BAIAP3: variants seen among roughly 807,000 people sequenced by gnomAD.
The protein encoded by BAIAP3 is BAI1 associated protein 3, also known as BAI1-associated protein 3.
BAIAP3 carries 180 observed loss-of-function variants against 149.7 expected under a neutral mutation model. The observed-to-expected ratio is 1.20, with a 90% confidence interval of 1.07 to 1.36. BAIAP3 has a LOEUF of 1.36. BAIAP3 is among the 40% of genes most tolerant of loss of function. The pLI is 0.00. For synonymous variants in BAIAP3, 845 were observed against 670.7 expected (o/e 1.26, Z -4.02); for missense variants, 1,767 against 1,563.4 (o/e 1.13, Z -2.20).
At chr16:1,340,090 A>G (rs1005982033) in intron 5 of BAIAP3, among the ~76,000 whole-genome samples, 1 of 149,696 alleles carries the variant, frequency 6.7e-6, no homozygotes, top group Non-Finnish European at 1.5e-5. Context: ...GCAGGTGCAC[A>G]CAGACACAGG....
chr16:1,334,011 T>G (rs1313844376), intron 1 of BAIAP3, among the ~76,000 whole-genome samples: 3 of 149,040 alleles, frequency 2.0e-5, no homozygotes, highest in African/African-American at 7.5e-5. Context: ...GGCGGTGGGG[T>G]CCGCACTGCG....
In BAIAP3 at chr16:1,341,504, C is replaced by T. The variant is rs372468346; in HGVS notation, c.731+15C>T. ...CACTTCCTCTTGTGAGGCCCTCGCC[C>T]GTCTGGGTGCGGGAGGGGGGCTCTG... On this transcript the variant is annotated intron_variant, in intron 8 of 33. Transcript: ENST00000426824. The T allele has an allele frequency of 4.6e-5, 73 of 1,597,400 alleles. 1 individual carries two copies. Among genetic ancestry groups the T allele is most frequent in the African/African-American group, 3.1e-4 (23 of 74,810 alleles).
chr16:1,344,293 C>G lies in BAIAP3; in HGVS notation c.1578C>G (p.Asn526Lys). ...TCTGCCCCTTCGAGTCGGAGCTGAA[C>G]ATGGACATTGCTGCGGCCCTGAAGG... The part of the protein sequence containing the change: ...FEICPFESEL[N>K]MDIAAALKRG... The change falls in exon 17 of 34, where the codon AAC becomes AAG. Residue 526 changes from asparagine (N) to lysine (K), a missense_variant. Coordinates refer to ENST00000426824, the MANE Select transcript of BAIAP3 (RefSeq NM_001199097.2). The G allele has an allele frequency of 1.2e-6, 2 of 1,613,930 alleles. No homozygotes were observed. Among genetic ancestry groups the G allele is most frequent in the Non-Finnish European group, 1.7e-6 (2 of 1,180,020 alleles).
Position 1,346,439 on chromosome 16 carries a change from C to T in BAIAP3, c.2494-3C>T, listed in dbSNP as rs1567171622. 3 of 1,612,268 alleles carry T rather than the reference C, an allele frequency of 1.9e-6. No individual in the cohort carries two copies. The highest frequency in any genetic ancestry group is 1.7e-5 in the Admixed American group (1 of 59,908). On this transcript the variant is annotated splice_polypyrimidine_tract_variant and splice_region_variant and intron_variant, in intron 25 of 33. Transcript: ENST00000426824. ...CCGTGCTGAGCACTGCTCCTGCCCTCAGATGGTGGGCGACATCCGCAAGTA... is the reference window on the plus strand; with the variant it reads ...CCGTGCTGAGCACTGCTCCTGCCCTTAGATGGTGGGCGACATCCGCAAGTA...
At chr16:1,345,129 C>G in intron 21 of BAIAP3, 30 bp downstream of exon 21, 1 of 1,612,286 alleles carries the variant, frequency 6.2e-7, no homozygotes, top group Non-Finnish European at 8.5e-7. Flanking sequence ...CTCTTGCAGA[C>G]AGACTTTGGG....
At position 1,348,097 on chromosome 16, in the gene BAIAP3, T is replaced by C. The variant is rs1218489582; in HGVS notation, c.3151T>C (p.Ser1051Pro). 1 of 1,602,292 alleles carries C rather than the reference T, an allele frequency of 6.2e-7. No homozygotes were observed. Among genetic ancestry groups the C allele is most frequent in the African/African-American group, 1.3e-5 (1 of 74,908 alleles). ...HPVYDELFYFSVPAEACRRRA... is the reference protein window; with the variant it reads ...HPVYDELFYFPVPAEACRRRA... ...CTCCCGACTGGCCTCTGTCCGCAGTTCCGTGCCTGCCGAGGCGTGCCGCCG... is the reference window on the plus strand; with the variant it reads ...CTCCCGACTGGCCTCTGTCCGCAGTCCCGTGCCTGCCGAGGCGTGCCGCCG... The change falls in exon 33 of 34, where the codon TCC (serine) becomes CCC (proline). Residue 1051 changes from serine (S) to proline (P), a missense_variant and splice_region_variant. By Grantham distance (74) the Ser-to-Pro change is moderately conservative. Transcript: ENST00000426824.
chr16:1,346,167 C>T lies in BAIAP3; in HGVS notation c.2302-3C>T, dbSNP rs781339897. 3 of 1,610,702 alleles carry T rather than the reference C, an allele frequency of 1.9e-6. No individual in the cohort carries two copies. The highest frequency in any genetic ancestry group is 2.5e-6 in the Non-Finnish European group (3 of 1,179,594). The stretch of plus-strand genomic sequence containing the variant: ...CATCGTTGCCTGGCCACACCTCCTC[C>T]AGCTCTGCGTGGTCCTCAACAATGT... On this transcript the variant is annotated splice_region_variant and splice_polypyrimidine_tract_variant and intron_variant, in intron 24 of 33. Coordinates refer to ENST00000426824, the MANE Select transcript of BAIAP3 (RefSeq NM_001199097.2).
intron 5 of BAIAP3, among the ~76,000 whole-genome samples, chr16:1,340,406 G>A (rs13337455): frequency 0.12 from 6,452 of 52,590 alleles, 1,940 homozygotes; most frequent in Admixed American, 0.27. Flanking sequence ...GCACACAGAT[G>A]CACGCACATA....
Position 1,344,161 on chromosome 16 carries a change from G to A in BAIAP3, c.1511+15G>A, listed in dbSNP as rs181046100. The A allele has an allele frequency of 4.5e-5, 72 of 1,611,928 alleles. No homozygotes were observed. The highest frequency in any genetic ancestry group is 5.6e-5 in the Non-Finnish European group (66 of 1,179,614). ...CTGCTGCTGAAGTGGGTGCAGCGCC[G>A]CGTGTCAGCGTGGGTGGGGGCGGCT... On this transcript the variant is annotated intron_variant, in intron 16 of 33. Transcript: ENST00000426824.
intron 14 of BAIAP3, 132 bp downstream of exon 14, chr16:1,343,148 G>A (rs2034045675): frequency 5.4e-6 from 6 of 1,121,284 alleles, no homozygotes; most frequent in Non-Finnish European, 7.6e-6. Context: ...CTGAGTAGGT[G>A]GGGCTGCGCT....
chr16:1,341,208 C>T lies in BAIAP3; in HGVS notation c.535+13C>T. On this transcript the variant is annotated intron_variant, in intron 7 of 33. Transcript: ENST00000426824. The stretch of plus-strand genomic sequence containing the variant: ...AAGGACCCCAACGGTGAGTGGGGAC[C>T]CAGCAGACCTCGGCTGCGCCGAGGC... 6.2e-7 allele frequency: 1 copy of T among 1,611,300 alleles called. No individual in the cohort carries two copies. Among genetic ancestry groups the T allele is most frequent in the Non-Finnish European group, 8.5e-7 (1 of 1,179,268 alleles).
chr16:1,343,563 G>A lies in BAIAP3; in HGVS notation c.1386+50G>A, dbSNP rs550245366. 968 of 1,594,700 alleles carry A rather than the reference G, an allele frequency of 6.1e-4. 9 individuals carry two copies. The South Asian group carries it at 0.01, about 17-fold the overall frequency. On this transcript the variant is annotated intron_variant, in intron 15 of 33. Coordinates refer to ENST00000426824, the MANE Select transcript of BAIAP3 (RefSeq NM_001199097.2). Reference sequence around the variant, plus strand: ...CCAGCCATGGCGAAGGGAGTGCTGGGGACTGGGGTCGCTCAGTGCCGGTCG... The same window carrying A: ...CCAGCCATGGCGAAGGGAGTGCTGGAGACTGGGGTCGCTCAGTGCCGGTCG...
intron 1 of BAIAP3, chr16:1,334,777 C>G (rs1452689298): frequency 6.5e-7 from 1 of 1,544,688 alleles, no homozygotes; most frequent in Non-Finnish European, 8.8e-7. Context: ...GGAGAGATTC[C>G]TGCGGGAAAC....
Position 1,346,518 on chromosome 16 carries a change from C to T in BAIAP3, c.2562+8C>T. 6.2e-7 allele frequency: 1 copy of T among 1,607,340 alleles called. No individual in the cohort carries two copies. The highest frequency in any genetic ancestry group is 8.5e-7 in the Non-Finnish European group (1 of 1,177,364). On this transcript the variant is annotated splice_region_variant and intron_variant, in intron 26 of 33. Transcript: ENST00000426824. ...TCCATCCAGAACGATGAGGTGAGTGCCGGGGCGAGGGGCCGTGGAGGACTG... is the reference window on the plus strand; with the variant it reads ...TCCATCCAGAACGATGAGGTGAGTGTCGGGGCGAGGGGCCGTGGAGGACTG...
At position 1,344,607 on chromosome 16, in the gene BAIAP3, C is replaced by A; in HGVS notation, c.1666C>A (p.Pro556Thr). 2 of 1,613,062 alleles carry A rather than the reference C, an allele frequency of 1.2e-6. No individual in the cohort carries two copies. The highest frequency in any genetic ancestry group is 1.7e-6 in the Non-Finnish European group (2 of 1,180,022). The stretch of plus-strand genomic sequence containing the variant: ...GAGCTAGGCTTCCTTGCAGCCAGGA[C>A]CACAGCGCCTGCCTGGGCTGGTTGT... ...NDKSPREQPGPQRLPGLVVLA... is the reference protein window; with the variant it reads ...NDKSPREQPGTQRLPGLVVLA... The change falls in exon 19 of 34, where the codon CCA becomes ACA. Residue 556 changes from proline (P) to threonine (T), a missense_variant. By Grantham distance (38) the Pro-to-Thr change is conservative. Coordinates refer to ENST00000426824, the MANE Select transcript of BAIAP3 (RefSeq NM_001199097.2).
chr16:1,334,619 C>G, intron 1 of BAIAP3: 1 of 1,528,706 alleles, frequency 6.5e-7, no homozygotes, highest in Non-Finnish European at 8.9e-7. Flanking sequence ...CCAAGGCCAC[C>G]GGCAGCGCTT....
chr16:1,344,735 G>A (rs372818946), intron 19 of BAIAP3, 37 bp downstream of exon 19: 8 of 1,588,328 alleles, frequency 5.0e-6, no homozygotes, highest in Non-Finnish European at 5.1e-6. Context: ...TGGGGCTGGG[G>A]TCGGAGCCAA....
chr16:1,343,051 TG>T, intron 14 of BAIAP3, 35 bp downstream of exon 14: 1 of 1,346,292 alleles, frequency 7.4e-7, no homozygotes. Flanking sequence ...GCGGGGAATG[TG>T]GGCGGGCGTG....
Position 1,346,662 on chromosome 16 carries a change from C to A in BAIAP3, c.2620C>A (p.Leu874Met), listed in dbSNP as rs1319362413. Reference sequence around the variant, plus strand: ...GAAGCTGGCCCTGCTGAACGCCTCGCTGGTGAAGGGGAACCTGAGCAGGTG... The same window carrying A: ...GAAGCTGGCCCTGCTGAACGCCTCGATGGTGAAGGGGAACCTGAGCAGGTG... ...DEKLALLNAS[L>M]VKGNLSRVLE... Residue 874 changes from leucine (L) to methionine (M), a missense_variant, in exon 27 of 34, where the codon CTG becomes ATG. Leu to Met is a conservative substitution (Grantham distance 15). Coordinates refer to ENST00000426824, the MANE Select transcript of BAIAP3 (RefSeq NM_001199097.2). 1.4e-5 allele frequency: 15 copies of A among 1,082,198 alleles called. No homozygotes were observed. Among genetic ancestry groups the A allele is most frequent in the East Asian group, 6.4e-5 (1 of 15,654 alleles). 67.0% of individuals were successfully genotyped at this position (1,082,198 alleles called of 1,614,324 possible). A position where few individuals can be genotyped will look rare whatever the true frequency, so the allele number is the denominator to read the frequency against.
Sources: allele counts gnomAD v4.1 joint callset (sites outside exome capture counted in the v4.1 genomes callset), GRCh38; gene constraint gnomAD v4.1.1; transcripts MANE v1.5; gene names NCBI Gene and HGNC (gene_info 2026-07-23, HGNC 2026-07-21).